The following TPTE2 variants were observed in gnomAD, a reference collection of about 807,000 sequenced individuals.
TPTE2 encodes the protein transmembrane phosphoinositide 3-phosphatase and tensin homolog 2.
In TPTE2, 53 loss-of-function variants were observed where a neutral mutation model predicts 78.6. That is an observed-to-expected ratio of 0.67 (90% confidence interval 0.54 to 0.85). The LOEUF (loss-of-function observed/expected upper bound fraction) is 0.85, where lower values mean the gene tolerates loss of function less well. Ranked by LOEUF, TPTE2 falls within the 40% of genes least tolerant of loss-of-function variation. The pLI is 0.00. For synonymous variants in TPTE2, 175 were observed against 206.2 expected, an observed-to-expected ratio of 0.85 and a Z score of 1.30; for missense variants, 461 against 623.0, an observed-to-expected ratio of 0.74 and a Z score of 2.77.
At chr13:19,437,126 A>G (rs1877155930) in intron 14 of TPTE2, among the ~76,000 whole-genome samples, 1 of 152,040 alleles carries the variant, frequency 6.6e-6, no homozygotes, top group Non-Finnish European at 1.5e-5. Context: ...TTATTTTCAA[A>G]AGATGTCAGT....
At chr13:19,438,833 C>G (rs1326217468) in intron 13 of TPTE2, among the ~76,000 whole-genome samples, 2 of 152,192 alleles carry the variant, frequency 1.3e-5, no homozygotes, top group Non-Finnish European at 2.9e-5. Context: ...GAGGACAATG[C>G]AGGCAAGCAG....
intron 4 of TPTE2, among the ~76,000 whole-genome samples, chr13:19,477,806 G>T (rs933975265): frequency 1.3e-5 from 2 of 152,206 alleles, no homozygotes; most frequent in African/African-American, 4.8e-5. Context: ...CTATGTAAAT[G>T]CAGCTTCAAG....
At chr13:19,501,045 T>G in intron 1 of TPTE2, among the ~76,000 whole-genome samples, 1 of 82,836 alleles carries the variant, frequency 1.2e-5, no homozygotes, top group Admixed American at 1.6e-4. Context: ...TGAACTCCCA[T>G]TCACAATTGC....
At chr13:19,555,514 T>C in the TPTE2 span, among the ~76,000 whole-genome samples, 2 of 152,324 alleles carry the variant, frequency 1.3e-5, no homozygotes, top group African/African-American at 4.8e-5. Context: ...GCAAAAACCA[T>C]TCTTTAGACT....
chr13:19,478,594 C>T (rs961054441), intron 4 of TPTE2, among the ~76,000 whole-genome samples: 13 of 152,310 alleles, frequency 8.5e-5, no homozygotes, highest in African/African-American at 3.1e-4. Flanking sequence ...TTGTGGAAGA[C>T]AGTGTGGTGA....
chr13:19,450,533 T>C (rs2137529765), intron 11 of TPTE2, among the ~76,000 whole-genome samples, 189 bp from the exon 15 acceptor site: 1 of 152,316 alleles, frequency 6.6e-6, no homozygotes, highest in South Asian at 2.1e-4. Flanking sequence ...GGTTTATCCA[T>C]CTCATGTAAC....
At position 19,497,113 on chromosome 13, in the gene TPTE2, G is replaced by T. The variant is rs536962579; in HGVS notation, c.12-3612C>A. ...TGAGGGGCTTAAAAAACGGTGCACC[G>T]CGAGATTATATCCCGCACCTGTCTT... On this transcript the variant is annotated intron_variant, in intron 1 of 19. Transcript: ENST00000400230. Among the ~76,000 whole-genome samples, 29 of 151,858 alleles carry T rather than the reference G, an allele frequency of 1.9e-4. 3 individuals are homozygous for T. The South Asian group carries it at 4.5e-3, about 24-fold the overall frequency.
At chr13:19,468,522 G>T (rs1346542087) in intron 6 of TPTE2, among the ~76,000 whole-genome samples, 6 of 152,100 alleles carry the variant, frequency 3.9e-5, no homozygotes, top group Non-Finnish European at 8.8e-5. Context: ...TTTCTTGTGG[G>T]TATCTACCCA....
intron 13 of TPTE2, among the ~76,000 whole-genome samples, chr13:19,439,466 T>C (rs190196296): frequency 0.014 from 2,055 of 151,424 alleles, 23 homozygotes; most frequent in Non-Finnish European, 0.023. Flanking sequence ...AAAAGAAAAA[T>C]CCTACCCAAA....
At chr13:19,488,446 T>C (rs1341963975) in intron 3 of TPTE2, among the ~76,000 whole-genome samples, 1 of 152,230 alleles carries the variant, frequency 6.6e-6, no homozygotes, top group Non-Finnish European at 1.5e-5. Context: ...ACATTGAAAA[T>C]CTGTTGTTTA....
chr13:19,522,335 G>A (rs1038415847), intron 1 of TPTE2, among the ~76,000 whole-genome samples: 33 of 152,168 alleles, frequency 2.2e-4, no homozygotes, highest in African/African-American at 7.0e-4. Flanking sequence ...GACATAATAA[G>A]AAAAGAAAAA....
chr13:19,469,868 G>A (rs1879498975), intron 6 of TPTE2, among the ~76,000 whole-genome samples: 1 of 152,098 alleles, frequency 6.6e-6, no homozygotes, highest in Non-Finnish European at 1.5e-5. Flanking sequence ...TTTGTATATT[G>A]ATTTTGTATC....
Position 19,461,933 on chromosome 13 carries a change from C to CTTTTT in TPTE2, c.741+2518_741+2522dup, listed in dbSNP as rs60926599. Among the ~76,000 whole-genome samples the CTTTTT allele has an allele frequency of 3.8e-4, 51 of 134,360 alleles. 1 individual carries two copies. The East Asian group carries it at 8.1e-3, about 21-fold the overall frequency. The allele number at this position is 134,360 out of a possible 152,430, so 88.1% of individuals were successfully genotyped here. ...TCTTGTAGGCAGCATACAGTTGGGT[C>CTTTTT]TTTTTTTTTTTTTTTTAAATCTTGG... On this transcript the variant is annotated intron_variant, in intron 10 of 19. Transcript: ENST00000400230.
At chr13:19,544,934 TCACACACACACA>T in the TPTE2 span, among the ~76,000 whole-genome samples, 2,444 of 142,408 alleles carry the variant, frequency 0.017, 46 homozygotes, top group African/African-American at 0.039. Context: ...ACGTGCACAC[TCACACACACACA>T]CACACACACA....
intron 13 of TPTE2, among the ~76,000 whole-genome samples, chr13:19,449,603 C>T (rs750711946): frequency 8.5e-5 from 13 of 152,132 alleles, no homozygotes; most frequent in Non-Finnish European, 1.6e-4. Context: ...TGGAGTAATA[C>T]ATATGTTAAT....
intron 1 of TPTE2, among the ~76,000 whole-genome samples, chr13:19,524,910 T>G (rs1038093309): frequency 1.3e-5 from 2 of 152,096 alleles, no homozygotes; most frequent in African/African-American, 4.8e-5. Context: ...CAGTAACAAA[T>G]GTAGAGCAGG....
At chr13:19,517,939 T>C (rs1869906753) in intron 1 of TPTE2, among the ~76,000 whole-genome samples, 1 of 152,210 alleles carries the variant, frequency 6.6e-6, no homozygotes, top group African/African-American at 2.4e-5. Context: ...TATTTTTTCT[T>C]TTATATGAAA....
chr13:19,471,783 G>A (rs1879632498), intron 6 of TPTE2, among the ~76,000 whole-genome samples: 1 of 152,150 alleles, frequency 6.6e-6, no homozygotes, highest in East Asian at 1.9e-4. Flanking sequence ...ATACCTTCAG[G>A]TTGTTACTTA....
chr13:19,513,520 C>A lies in TPTE2; in HGVS notation c.-43-10243G>T, dbSNP rs533895337. Among the ~76,000 whole-genome samples the A allele has an allele frequency of 1.1e-4, 16 of 152,226 alleles. No homozygotes were observed. The South Asian group carries it at 3.3e-3, about 32-fold the overall frequency. On this transcript the variant is annotated intron_variant, in intron 1 of 17. Coordinates refer to the TPTE2 transcript ENST00000390680. ...TGATGTCAATTCATTGGGGTCAGTG[C>A]AAAGGATTGAAAGGTAAATAGCAAG... is the stretch of plus-strand genomic sequence containing the variant.
Sources: allele counts gnomAD v4.1 joint callset (sites outside exome capture counted in the v4.1 genomes callset), GRCh38; gene constraint gnomAD v4.1.1; transcripts MANE v1.5; gene names NCBI Gene and HGNC (gene_info 2026-07-23, HGNC 2026-07-21).